The following TIMM23 variants were observed in gnomAD, a reference collection of about 807,000 sequenced individuals.
TIMM23 encodes translocase of inner mitochondrial membrane 23, also known as mitochondrial import inner membrane translocase subunit Tim23.
In TIMM23, 19 loss-of-function variants were observed where a neutral mutation model predicts 30.7. The ratio of observed to expected loss-of-function variants is 0.62; its 90% CI spans 0.43 to 0.91. The LOEUF is 0.91. Ranked by LOEUF, TIMM23 falls within the 40% of genes least tolerant of loss-of-function variation. The probability of loss-of-function intolerance (pLI) is 0.00; values close to 1 mark genes in which losing one functional copy is unlikely to be tolerated. For synonymous variants in TIMM23, 78 were observed against 98.5 expected (o/e 0.79, Z 1.23); for missense variants, 202 against 269.2 (o/e 0.75, Z 1.75).
rs1217731747 is a variant in TIMM23 at position 45,972,511 on chromosome 10, G to A, written c.-114G>A. On this transcript the variant is annotated 5_prime_UTR_variant, in exon 1 of 7. In the 5' UTR this introduces an upstream ATG that the reference lacks. Coordinates refer to ENST00000580018, the MANE Select transcript of TIMM23 (RefSeq NM_006327.4). ...GGGAACCGGCGCCCGGAAGGTCAGC[G>A]TGTGAAGTAGGCGCTGGCAACGCGG... The A allele has an allele frequency of 6.9e-7, 1 of 1,446,990 alleles. No individual in the cohort carries two copies. Among genetic ancestry groups the A allele is most frequent in the African/African-American group, 1.4e-5 (1 of 69,868 alleles). 89.6% of individuals were successfully genotyped at this position (1,446,990 alleles called of 1,614,324 possible).
At chr10:46,003,128 T>C (rs184805322) in intron 6 of TIMM23, 75 bp from the exon 7 acceptor site, 258 of 1,249,620 alleles carry the variant, frequency 2.1e-4, no homozygotes, top group African/African-American at 1.3e-3. Context: ...CACAGTACTT[T>C]TTATTTAACC....
chr10:45,992,446 A>T (rs1358094253), intron 6 of TIMM23: 7 of 455,924 alleles, frequency 1.5e-5, no homozygotes, highest in African/African-American at 1.4e-4. Context: ...CAATATGCGT[A>T]GACTCTCCTT....
intron 6 of TIMM23, among the ~76,000 whole-genome samples, chr10:45,998,740 G>A (rs996635254): frequency 1.3e-5 from 2 of 151,688 alleles, no homozygotes; most frequent in Admixed American, 6.6e-5. Context: ...TAACTTCATC[G>A]ATTTGAACTA....
chr10:45,986,464 C>CCT (rs1453303911), intron 5 of TIMM23, among the ~76,000 whole-genome samples: 4 of 148,940 alleles, frequency 2.7e-5, no homozygotes, highest in Non-Finnish European at 5.9e-5. Context: ...GGCTGGTCAC[C>CCT]CTCTGTGTAC....
At chr10:45,977,155 G>A (rs1837697490) in intron 2 of TIMM23, among the ~76,000 whole-genome samples, 1 of 149,400 alleles carries the variant, frequency 6.7e-6, no homozygotes, top group Non-Finnish European at 1.5e-5. Context: ...TAAAATGGCA[G>A]TGCTCACCAA....
chr10:45,975,656 C>A, intron 2 of TIMM23, 144 bp downstream of exon 2: 3 of 1,070,066 alleles, frequency 2.8e-6, no homozygotes, highest in Non-Finnish European at 2.8e-6. Flanking sequence ...CTCACAAACA[C>A]CAGGAGCTTG....
chr10:45,982,661 G>T lies in TIMM23; in HGVS notation c.259+45G>T. The T allele has an allele frequency of 2.5e-6, 4 of 1,609,730 alleles. No individual in the cohort carries two copies. In the Admixed American group the frequency reaches 6.7e-5, roughly 27 times the overall value. On this transcript the variant is annotated intron_variant, in intron 3 of 6. Coordinates refer to ENST00000580018, the MANE Select transcript of TIMM23 (RefSeq NM_006327.4). ...TTCTCAAGAGTGCTCAGTTCAAGTA[G>T]TTGAGGGTGCGTAAAATCAAAAGCA...
intron 2 of TIMM23, 51 bp downstream of exon 2, chr10:45,975,563 A>C: frequency 1.2e-6 from 2 of 1,611,350 alleles, no homozygotes; most frequent in Non-Finnish European, 1.7e-6. Flanking sequence ...ATTTTAAAAA[A>C]AACGCCAAGT....
At chr10:45,987,801 A>C (rs1554915009) in intron 5 of TIMM23, among the ~76,000 whole-genome samples, 1 of 151,680 alleles carries the variant, frequency 6.6e-6, no homozygotes, top group African/African-American at 2.4e-5. Flanking sequence ...AAATTTTTTT[A>C]GAGAAGGGGG....
At position 45,984,698 on chromosome 10, in the gene TIMM23, G is replaced by A. The variant is rs61849508; in HGVS notation, c.345-685G>A. The A allele has an allele frequency of 4.9e-4, 169 of 344,706 alleles. 1 individual carries two copies. Among genetic ancestry groups the A allele is most frequent in the African/African-American group, 3.1e-3 (146 of 46,584 alleles). 21.4% of individuals were successfully genotyped at this position (344,706 alleles called of 1,614,324 possible). ...GAATGTCTTCTCTTCATCCAGTTGC[G>A]TCCATCACTGTTCTGGTGGTGTCTG... On this transcript the variant is annotated intron_variant, in intron 4 of 6. Transcript: ENST00000580018.
intron 6 of TIMM23, among the ~76,000 whole-genome samples, chr10:45,995,120 G>A (rs1838288917): frequency 6.6e-6 from 1 of 151,530 alleles, no homozygotes. Context: ...TATTTGTCCT[G>A]TGACATAGAA....
rs1053318181 is a variant in TIMM23, at chr10:45,999,052, T to G, written c.515-4151T>G. Among the ~76,000 whole-genome samples the G allele has an allele frequency of 4.7e-4, 71 of 152,226 alleles. No individual in the cohort carries two copies. The East Asian group carries it at 0.013, about 27-fold the overall frequency. On this transcript the variant is annotated intron_variant, in intron 6 of 6. Transcript: ENST00000580018. ...TTCACCATGTTGGCCAGGCTGGTCTTGAACTCCTGACCTCAAGTGATTTGC... is the reference window on the plus strand; with the variant it reads ...TTCACCATGTTGGCCAGGCTGGTCTGGAACTCCTGACCTCAAGTGATTTGC...
intron 6 of TIMM23, among the ~76,000 whole-genome samples, chr10:45,994,904 T>C (rs1432657115): frequency 6.6e-6 from 1 of 152,102 alleles, no homozygotes; most frequent in East Asian, 1.9e-4. Flanking sequence ...GTTGAAGTTA[T>C]ATTTGTATTC....
Position 45,972,705 on chromosome 10 carries a change from G to A in TIMM23, c.81G>A (p.Ser27=), listed in dbSNP as rs782698217. ...TCGGAGCCGGCGGAGCAGGTTACTC[G>A]CACGCGGATTTGGCTGGCGTCCCGC... ...GFFGAGGAGY[S]HADLAGVPLT... is the part of the protein sequence containing the mutation. Residue 27 remains serine, a synonymous_variant, in exon 1 of 7, where the codon TCG becomes TCA. Transcript: ENST00000580018. 8.7e-6 allele frequency: 14 copies of A among 1,614,010 alleles called. No homozygotes were observed. In the South Asian group the frequency reaches 1.4e-4, roughly 16 times the overall value.
Position 45,985,417 on chromosome 10 carries a change from T to G in TIMM23, c.379T>G (p.Trp127Gly). Residue 127 changes from tryptophan to glycine, a missense_variant, in exon 5 of 7, where the codon TGG becomes GGG. By Grantham distance (184) the Trp-to-Gly change is radical. Transcript: ENST00000580018. ...LNMVTRQGAL[W>G]ANTLGSLALL... is the part of the protein sequence containing the mutation. ...TATGGTGACTAGGCAAGGGGCACTT[T>G]GGGCTAATACTCTAGGTTCTCTGGG... 1.9e-6 allele frequency: 3 copies of G among 1,613,564 alleles called. No homozygotes were observed. The highest frequency in any genetic ancestry group is 2.5e-6 in the Non-Finnish European group (3 of 1,179,598).
At chr10:45,993,754 A>T (rs1415366788) in intron 6 of TIMM23, among the ~76,000 whole-genome samples, 1 of 152,122 alleles carries the variant, frequency 6.6e-6, no homozygotes, top group African/African-American at 2.4e-5. Flanking sequence ...AAATGATGAA[A>T]TGAATAATGA....
At chr10:45,991,516 C>G (rs1445678271) in intron 6 of TIMM23, among the ~76,000 whole-genome samples, 1 of 152,130 alleles carries the variant, frequency 6.6e-6, no homozygotes, top group East Asian at 1.9e-4. Context: ...CTTTGGGAGG[C>G]TGAGGCGGGT....
At chr10:45,985,335 A>G in intron 4 of TIMM23, 48 bp from the exon 5 acceptor site, 1 of 1,611,694 alleles carries the variant, frequency 6.2e-7, no homozygotes, top group Non-Finnish European at 8.5e-7. Flanking sequence ...AGGTTACTAG[A>G]GAAATAATGA....
intron 1 of TIMM23, among the ~76,000 whole-genome samples, chr10:45,974,306 A>G (rs1318343229): frequency 2.6e-5 from 4 of 152,186 alleles, no homozygotes; most frequent in Non-Finnish European, 4.4e-5. Flanking sequence ...TGAGATTGTG[A>G]TGGAAGCAGG....
Sources: gnomAD v4.1 joint callset for allele counts (sites outside exome capture counted in the v4.1 genomes callset) on GRCh38, gnomAD v4.1.1 for gene constraint, MANE v1.5 for transcripts, NCBI Gene and HGNC (gene_info 2026-07-23, HGNC 2026-07-21) for gene names.